RBFOX3: variants seen among roughly 807,000 people sequenced by gnomAD.
RBFOX3 encodes the protein RNA binding protein fox-1 homolog 3.
RBFOX3 carries 17 observed loss-of-function variants against 48.7 expected under a neutral mutation model. That is an observed-to-expected ratio of 0.35 (90% CI 0.24 to 0.52). The LOEUF (loss-of-function observed/expected upper bound fraction) is 0.52. Ranked by LOEUF, RBFOX3 falls within the 20% of genes least tolerant of loss-of-function variation. The pLI is 0.94. For missense variants in RBFOX3, 382 were observed against 497.5 expected (o/e 0.77, Z 2.21); for synonymous variants, 212 against 209.5 (o/e 1.01, Z -0.10).
At chr17:79,367,982 A>C (rs923154235) in intron 2 of RBFOX3, among the ~76,000 whole-genome samples, 7 of 152,126 alleles carry the variant, frequency 4.6e-5, no homozygotes, top group African/African-American at 1.7e-4. Flanking sequence ...GACAAACAAC[A>C]ACCGAGGGTC....
At chr17:79,315,959 C>G (rs2077486319) in intron 2 of RBFOX3, among the ~76,000 whole-genome samples, 1 of 152,158 alleles carries the variant, frequency 6.6e-6, no homozygotes, top group African/African-American at 2.4e-5. Flanking sequence ...GTGGGTCCGC[C>G]AGCAGCTCTG....
chr17:79,227,469 G>A (rs2060444981), intron 4 of RBFOX3, among the ~76,000 whole-genome samples: 1 of 152,182 alleles, frequency 6.6e-6, no homozygotes, highest in African/African-American at 2.4e-5. Flanking sequence ...TTGGCTCCTT[G>A]TTGCATCTCA....
chr17:79,272,065 A>G (rs1255655090), intron 3 of RBFOX3, among the ~76,000 whole-genome samples: 1 of 152,220 alleles, frequency 6.6e-6, no homozygotes, highest in Non-Finnish European at 1.5e-5. Flanking sequence ...GCCGAGGCTG[A>G]GAGACGACGG....
At chr17:79,274,969 C>T (rs1361408057) in intron 3 of RBFOX3, among the ~76,000 whole-genome samples, 1 of 146,210 alleles carries the variant, frequency 6.8e-6, no homozygotes, top group African/African-American at 2.6e-5. Flanking sequence ...CCCCCGCAGG[C>T]ATCCCCACCC....
At chr17:79,290,083 C>T (rs1250102533) in intron 3 of RBFOX3, among the ~76,000 whole-genome samples, 1 of 152,132 alleles carries the variant, frequency 6.6e-6, no homozygotes, top group Non-Finnish European at 1.5e-5. Context: ...TTTTCAGGCA[C>T]TGGAAGCTCC....
chr17:79,454,496 AAGCCCTCCC>A (rs1213511115), intron 2 of RBFOX3, among the ~76,000 whole-genome samples: 1 of 151,568 alleles, frequency 6.6e-6, no homozygotes, highest in Non-Finnish European at 1.5e-5. Flanking sequence ...CTTGCCCACC[AAGCCCTCCC>A]AGCACCCCCA....
intron 2 of RBFOX3, among the ~76,000 whole-genome samples, chr17:79,358,978 C>T (rs1313819430): frequency 6.6e-6 from 1 of 152,218 alleles, no homozygotes; most frequent in Admixed American, 6.5e-5. Flanking sequence ...CCACGAGTGG[C>T]ACAGGGAAGC....
intron 3 of RBFOX3, among the ~76,000 whole-genome samples, chr17:79,293,393 C>T (rs2073724986): frequency 8.7e-6 from 1 of 115,178 alleles, no homozygotes; most frequent in Non-Finnish European, 1.8e-5. Context: ...CTTTCCTTTC[C>T]CTTCCCTCCC....
Position 79,242,685 on chromosome 17 carries a change from A to G in RBFOX3, c.-73-6880T>C, listed in dbSNP as rs1198908005. 6.6e-6 allele frequency among the ~76,000 whole-genome samples: 1 copy of G among 152,078 alleles called. No individual in the cohort carries two copies. Among genetic ancestry groups the G allele is most frequent in the Non-Finnish European group, 1.5e-5 (1 of 68,000 alleles). The stretch of plus-strand genomic sequence containing the variant: ...GGAGTTCTGGCAGGTTCTGGCCATC[A>G]CAGTAGTCCCTGGAGTGGCTTTGGG... On this transcript the variant is annotated intron_variant, in intron 3 of 14. Coordinates refer to ENST00000693108, the MANE Select transcript of RBFOX3 (RefSeq NM_001350451.2). The surrounding 1 kb of genome is among the most constrained non-coding windows in gnomAD (Gnocchi z 5.8).
chr17:79,344,050 T>A (rs979085861), intron 2 of RBFOX3, among the ~76,000 whole-genome samples: 2 of 152,180 alleles, frequency 1.3e-5, no homozygotes, highest in Admixed American at 1.3e-4. Flanking sequence ...CAAACACTTA[T>A]ATAAACCACA....
the RBFOX3 span, among the ~76,000 whole-genome samples, chr17:79,632,590 G>A: frequency 2.0e-5 from 3 of 152,030 alleles, no homozygotes; most frequent in African/African-American, 7.2e-5. Flanking sequence ...CTCTTCCCTG[G>A]CATGCACGAG....
At chr17:79,309,056 G>A (rs1463807787) in intron 2 of RBFOX3, among the ~76,000 whole-genome samples, 2 of 150,420 alleles carry the variant, frequency 1.3e-5, no homozygotes, top group Non-Finnish European at 2.9e-5. Context: ...GCAGCGAGCT[G>A]AGATCACACC....
intron 2 of RBFOX3, among the ~76,000 whole-genome samples, chr17:79,411,226 G>A (rs2064281973): frequency 6.6e-6 from 1 of 152,182 alleles, no homozygotes; most frequent in African/African-American, 2.4e-5. Context: ...CTTTCTGGGT[G>A]TGTGTTCCAG....
intron 2 of RBFOX3, among the ~76,000 whole-genome samples, chr17:79,313,203 C>T (rs1033905862): frequency 6.6e-6 from 1 of 152,208 alleles, no homozygotes; most frequent in African/African-American, 2.4e-5. Flanking sequence ...CTTCCAGGCT[C>T]TTGCATACCC....
chr17:79,231,752 C>T (rs911584953), intron 4 of RBFOX3, among the ~76,000 whole-genome samples: 16 of 152,140 alleles, frequency 1.1e-4, no homozygotes, highest in Non-Finnish European at 2.1e-4. Flanking sequence ...AATATCCATA[C>T]ACAGAAAACC....
chr17:79,435,589 G>A (rs1409266187), intron 2 of RBFOX3, among the ~76,000 whole-genome samples: 12 of 152,208 alleles, frequency 7.9e-5, no homozygotes, highest in Non-Finnish European at 1.6e-4. Context: ...TCAACAGGAG[G>A]AAATCCCTGC....
intron 1 of RBFOX3, among the ~76,000 whole-genome samples, chr17:79,515,663 A>T (rs1222817113): frequency 2.0e-5 from 3 of 151,944 alleles, no homozygotes; most frequent in Non-Finnish European, 4.4e-5. Flanking sequence ...CACCTCCCAC[A>T]TTGCCCCTAA....
chr17:79,448,430 G>A (rs35133947), intron 2 of RBFOX3, among the ~76,000 whole-genome samples: 29,597 of 152,128 alleles, frequency 0.19, 2,954 homozygotes, highest in Admixed American at 0.22. Context: ...CTAAATCCAG[G>A]GATCAGTGTC....
chr17:79,106,436 G>A (rs2077379943), intron 6 of RBFOX3, among the ~76,000 whole-genome samples: 1 of 151,950 alleles, frequency 6.6e-6, no homozygotes, highest in Non-Finnish European at 1.5e-5. Flanking sequence ...CTCAGCTTGA[G>A]GCCTTCCTCT....
Sources: gnomAD v4.1 joint callset for allele counts (sites outside exome capture counted in the v4.1 genomes callset) on GRCh38, gnomAD v4.1.1 for gene constraint, Gnocchi (gnomAD v3.1) non-coding constraint, MANE v1.5 for transcripts, NCBI Gene and HGNC (gene_info 2026-07-23, HGNC 2026-07-21) for gene names.